Variants in PITPNM3 observed in about 807,000 individuals in gnomAD.
PITPNM3 encodes membrane-associated phosphatidylinositol transfer protein 3.
A neutral mutation model predicts 102.0 loss-of-function variants in PITPNM3; 26 were observed. The observed-to-expected ratio is 0.25, with a 90% CI of 0.19 to 0.35. PITPNM3 has a LOEUF of 0.35. Ranked by LOEUF, PITPNM3 falls within the 10% of genes least tolerant of loss-of-function variation. The pLI, the probability that PITPNM3 is intolerant of heterozygous loss-of-function variation, is 1.00. For synonymous variants in PITPNM3, 578 were observed against 558.6 expected (o/e 1.03, Z -0.49); for missense variants, 1,083 against 1,346.1 (o/e 0.80, Z 3.06).
At chr17:6,535,375 C>A (rs1176844834) in intron 2 of PITPNM3, among the ~76,000 whole-genome samples, 1 of 152,186 alleles carries the variant, frequency 6.6e-6, no homozygotes, top group Non-Finnish European at 1.5e-5. Flanking sequence ...CTCTCACTGC[C>A]TTGAGCCAAG....
At chr17:6,456,465 C>A (rs1914121189) in intron 19 of PITPNM3, among the ~76,000 whole-genome samples, 1 of 152,182 alleles carries the variant, frequency 6.6e-6, no homozygotes, top group African/African-American at 2.4e-5. Context: ...CTGGCTGTGT[C>A]CAGAGCCTTG....
chr17:6,546,154 G>A (rs1271212942), intron 1 of PITPNM3, among the ~76,000 whole-genome samples: 1 of 152,186 alleles, frequency 6.6e-6, no homozygotes, highest in East Asian at 1.9e-4. Context: ...CATTATTGAA[G>A]GAAACCAGTA....
chr17:6,474,554 C>A lies in PITPNM3; in HGVS notation c.1136G>T (p.Gly379Val), dbSNP rs1281578183. 38 of 1,599,242 alleles carry A rather than the reference C, an allele frequency of 2.4e-5. No homozygotes were observed. The highest frequency in any genetic ancestry group is 3.2e-5 in the Non-Finnish European group (38 of 1,173,578). The part of the protein sequence containing the change: ...KDESETPAAG[G>V]PQLPEVSLGR... ...CAGGCTGACCTCAGGGAGCTGCGGC[C>A]CCCCAGCCGCCGGGGTCTCAGACTC... Residue 379 changes from glycine to valine, a missense_variant, in exon 10 of 20, where the codon GGG (glycine) becomes GTG (valine). Gly to Val is a moderately radical substitution (Grantham distance 109, BLOSUM62 -3). Around this residue, in one of 5 missense-constraint regions of PITPNM3, gnomAD observed 172 missense variants for 175.6 expected, o/e 0.98. Transcript: ENST00000262483.
intron 3 of PITPNM3, chr17:6,521,466 C>T (rs1281015261): frequency 2.0e-5 from 3 of 151,808 alleles, no homozygotes; most frequent in African/African-American, 7.3e-5. Context: ...TATTTTACCA[C>T]AATAAGAAAT....
rs866129650 is a variant in PITPNM3, at chr17:6,468,675, T to A, written c.1774-334A>T. Reference sequence around the variant, plus strand: ...TTCTTAAGGCCGGCTTGAGTCCTGATCCCAGCCCCTCCTTGCTTCTTGAGG... The same window carrying A: ...TTCTTAAGGCCGGCTTGAGTCCTGAACCCAGCCCCTCCTTGCTTCTTGAGG... On this transcript the variant is annotated intron_variant, in intron 13 of 19. Transcript: ENST00000262483. The surrounding 1 kb of genome is among the most constrained non-coding windows in gnomAD (Gnocchi z 5.2). 6.6e-6 allele frequency among the ~76,000 whole-genome samples: 1 copy of A among 152,096 alleles called. No homozygotes were observed. Among genetic ancestry groups the A allele is most frequent in the African/African-American group, 2.4e-5 (1 of 41,406 alleles).
In PITPNM3 at chr17:6,464,644, GC is replaced by G. The variant is rs768625445; in HGVS notation, c.2007+10del. 1.9e-6 allele frequency: 3 copies of G among 1,610,746 alleles called. No homozygotes were observed. The highest frequency in any genetic ancestry group is 2.5e-6 in the Non-Finnish European group (3 of 1,177,250). ...GGAGTGGCTGAGGAGGGGAGGCCCA[GC>G]CCCAGGTACCTTCTCTCCAGTCAGA... is the stretch of plus-strand genomic sequence containing the variant. On this transcript the variant is annotated intron_variant, in intron 15 of 19. Coordinates refer to ENST00000262483, the MANE Select transcript of PITPNM3 (RefSeq NM_031220.4).
intron 2 of PITPNM3, among the ~76,000 whole-genome samples, chr17:6,532,248 AG>A: frequency 6.6e-6 from 1 of 152,260 alleles, no homozygotes; most frequent in African/African-American, 2.4e-5. Flanking sequence ...GCCACACCCC[AG>A]GGACCCTCTA....
rs1014414562 is a variant in PITPNM3 at position 6,472,510 on chromosome 17, C to T, written c.1429+147G>A. 1.7e-6 allele frequency: 2 copies of T among 1,166,400 alleles called. No individual in the cohort carries two copies. The highest frequency in any genetic ancestry group is 2.4e-6 in the Non-Finnish European group (2 of 821,244). The allele number at this position is 1,166,400 out of a possible 1,614,324, so 72.3% of individuals were successfully genotyped here. On this transcript the variant is annotated intron_variant, in intron 11 of 19. Transcript: ENST00000262483. This position sits in a 1 kb window ranked among gnomAD's most constrained non-coding sequence, Gnocchi z 4.1. ...GCAGGTGCTTAGCACAGGTGGGCGA[C>T]TCTGAAGACAGAGGAGTCGGCTAAC...
chr17:6,497,849 A>G (rs1000956618), intron 4 of PITPNM3, among the ~76,000 whole-genome samples: 1 of 152,150 alleles, frequency 6.6e-6, no homozygotes, highest in Non-Finnish European at 1.5e-5. Flanking sequence ...CCCATCCTGC[A>G]TGGGGGTGGG....
At chr17:6,496,159 G>A (rs1366161095) in intron 4 of PITPNM3, among the ~76,000 whole-genome samples, 2 of 152,090 alleles carry the variant, frequency 1.3e-5, no homozygotes. Flanking sequence ...ACTCACCTGT[G>A]AATAAAGTCT....
chr17:6,455,300 TG>T lies in PITPNM3; in HGVS notation c.*37del. On this transcript the variant is annotated 3_prime_UTR_variant, in exon 20 of 20. Coordinates refer to ENST00000262483, the MANE Select transcript of PITPNM3 (RefSeq NM_031220.4). The stretch of plus-strand genomic sequence containing the variant: ...CTCCCGTCCCCGCAGGCAGCCTGAT[TG>T]GGCCCCCCGCTCCCTGCTCTGAGCA... 6.5e-7 allele frequency: 1 copy of T among 1,534,086 alleles called. No homozygotes were observed.
chr17:6,466,921 G>C (rs67005450), intron 14 of PITPNM3, among the ~76,000 whole-genome samples: 6 of 151,632 alleles, frequency 4.0e-5, no homozygotes, highest in Non-Finnish European at 8.8e-5. Context: ...ATAATTAGCC[G>C]GGCATGGTGG....
chr17:6,468,185 G>A lies in PITPNM3; in HGVS notation c.1890+40C>T, dbSNP rs1433770796. On this transcript the variant is annotated intron_variant, in intron 14 of 19. Transcript: ENST00000262483. This position sits in a 1 kb window ranked among gnomAD's most constrained non-coding sequence, Gnocchi z 5.2. ...CCCGGGCCAGCCCCACCTCCCGGAG[G>A]ACACAGTCCCAGCCACATGCGAACT... is the stretch of plus-strand genomic sequence containing the variant. 1 of 1,595,076 alleles carries A rather than the reference G, an allele frequency of 6.3e-7. No individual in the cohort carries two copies. The highest frequency in any genetic ancestry group is 8.6e-7 in the Non-Finnish European group (1 of 1,165,032).
At chr17:6,494,172 G>C (rs913215768) in intron 4 of PITPNM3, among the ~76,000 whole-genome samples, 5 of 152,200 alleles carry the variant, frequency 3.3e-5, no homozygotes, top group African/African-American at 1.2e-4. Context: ...GAAAGGTAAA[G>C]TGATTTCTCT....
At chr17:6,467,900 C>T (rs1016620263) in intron 14 of PITPNM3, among the ~76,000 whole-genome samples, 3 of 152,196 alleles carry the variant, frequency 2.0e-5, no homozygotes, top group Non-Finnish European at 4.4e-5. Context: ...TGACTGAGAT[C>T]CAGGACTCTT....
chr17:6,483,858 C>G (rs751576665), intron 5 of PITPNM3, 106 bp from the exon 6 acceptor site: 2 of 987,344 alleles, frequency 2.0e-6, no homozygotes, highest in African/African-American at 1.6e-5. Context: ...CTCACACACA[C>G]GCACACACGG....
Position 6,451,546 on chromosome 17 carries a change from C to T in PITPNM3, c.*3792G>A, listed in dbSNP as rs941234691. ...ACAGACAAGGTCAGACTGGCTGCCA[C>T]CACCAAGTAAACAACTAGAAAAGGA... On this transcript the variant is annotated 3_prime_UTR_variant, in exon 20 of 20. Coordinates refer to ENST00000262483, the MANE Select transcript of PITPNM3 (RefSeq NM_031220.4). 6.6e-6 allele frequency: 1 copy of T among 152,210 alleles called. No homozygotes were observed. Among genetic ancestry groups the T allele is most frequent in the Non-Finnish European group, 1.5e-5 (1 of 68,056 alleles). 9.4% of individuals were successfully genotyped at this position (152,210 alleles called of 1,614,324 possible).
chr17:6,540,238 G>A (rs1192163948), intron 1 of PITPNM3, among the ~76,000 whole-genome samples: 4 of 152,182 alleles, frequency 2.6e-5, no homozygotes, highest in East Asian at 1.9e-4. Context: ...TTGGGAACTG[G>A]GAACACTGTG....
At chr17:6,522,851 T>C (rs1293027044) in intron 3 of PITPNM3, among the ~76,000 whole-genome samples, 1 of 152,136 alleles carries the variant, frequency 6.6e-6, no homozygotes, top group African/African-American at 2.4e-5. Flanking sequence ...CTCTGATCTG[T>C]CGCTTCCACT....
Sources: allele counts gnomAD v4.1 joint callset (sites outside exome capture counted in the v4.1 genomes callset), GRCh38; gene constraint gnomAD v4.1.1; regional missense constraint gnomAD v4.1.1; non-coding constraint Gnocchi (gnomAD v3.1); transcripts MANE v1.5; gene names NCBI Gene and HGNC (gene_info 2026-07-23, HGNC 2026-07-21).